NDUFS4: variants seen among roughly 807,000 people sequenced by gnomAD.
NDUFS4 encodes the protein NADH dehydrogenase [ubiquinone] iron-sulfur protein 4, mitochondrial.
In NDUFS4, 28 loss-of-function variants were observed where a neutral mutation model predicts 24.3. That is an observed-to-expected ratio of 1.15 (90% CI 0.85 to 1.58). The LOEUF is 1.58. Ranked by LOEUF, NDUFS4 falls within the 40% of genes most tolerant of loss-of-function variation. The pLI, the probability that NDUFS4 is intolerant of heterozygous loss-of-function variation, is 0.00. For missense variants in NDUFS4, 223 were observed against 207.9 expected (o/e 1.07, Z -0.45); for synonymous variants, 93 against 69.7 (o/e 1.34, Z -1.67).
At chr5:53,665,367 A>G (rs1447088201) in intron 4 of NDUFS4, among the ~76,000 whole-genome samples, 1 of 152,184 alleles carries the variant, frequency 6.6e-6, no homozygotes, top group African/African-American at 2.4e-5. Context: ...AGACAGGGAC[A>G]TTTAAGTCTG....
intron 4 of NDUFS4, among the ~76,000 whole-genome samples, chr5:53,659,837 C>G (rs1354750022): frequency 2.0e-5 from 3 of 151,972 alleles, no homozygotes; most frequent in Non-Finnish European, 4.4e-5. Context: ...ACCTATCTGC[C>G]TTTGAATCTG....
chr5:53,643,358 T>C (rs1234287352), intron 2 of NDUFS4, among the ~76,000 whole-genome samples: 1 of 152,166 alleles, frequency 6.6e-6, no homozygotes, highest in African/African-American at 2.4e-5. Context: ...CATACAAAAG[T>C]AGAAATCCAT....
intron 3 of NDUFS4, among the ~76,000 whole-genome samples, chr5:53,648,014 A>G (rs1221879894): frequency 1.3e-5 from 2 of 152,190 alleles, no homozygotes; most frequent in African/African-American, 4.8e-5. Context: ...ATGTACTTCC[A>G]CAGATCTACA....
At chr5:53,611,136 T>C (rs1052142180) in intron 2 of NDUFS4, among the ~76,000 whole-genome samples, 1 of 152,056 alleles carries the variant, frequency 6.6e-6, no homozygotes, top group East Asian at 1.9e-4. Flanking sequence ...CAGTATACAA[T>C]AAATTACAAG....
At chr5:53,666,743 C>A (rs1359369232) in intron 4 of NDUFS4, among the ~76,000 whole-genome samples, 8 of 151,936 alleles carry the variant, frequency 5.3e-5, no homozygotes, top group Admixed American at 5.2e-4. Flanking sequence ...GGAGACCAGC[C>A]TGGCCAACAG....
chr5:53,666,903 C>T (rs956452277), intron 4 of NDUFS4, among the ~76,000 whole-genome samples: 4 of 152,026 alleles, frequency 2.6e-5, no homozygotes, highest in Non-Finnish European at 4.4e-5. Context: ...CACTACACTC[C>T]AGCCTGGGTG....
chr5:53,647,476 G>A (rs573581710), intron 3 of NDUFS4, among the ~76,000 whole-genome samples: 12 of 151,918 alleles, frequency 7.9e-5, no homozygotes, highest in Admixed American at 4.6e-4. Flanking sequence ...CCTCAGCCTC[G>A]AAAGTACTGA....
intron 2 of NDUFS4, among the ~76,000 whole-genome samples, chr5:53,632,966 C>G (rs151241062): frequency 7.9e-4 from 120 of 152,158 alleles, no homozygotes; most frequent in Middle Eastern, 3.4e-3. Flanking sequence ...TAAAACATAC[C>G]TACTAACACC....
intron 1 of NDUFS4, among the ~76,000 whole-genome samples, chr5:53,566,467 C>T (rs1221780965): frequency 6.6e-6 from 1 of 152,122 alleles, no homozygotes; most frequent in Non-Finnish European, 1.5e-5. Flanking sequence ...CATGTGTTTC[C>T]CACAGTAATC....
chr5:53,603,317 C>G, intron 1 of NDUFS4, 135 bp from the exon 2 acceptor site: 8 of 693,118 alleles, frequency 1.2e-5, no homozygotes, highest in East Asian at 2.9e-5. Flanking sequence ...TTTGTGCCCT[C>G]TTCTCTTTCT....
In NDUFS4 at chr5:53,645,194, A is replaced by G. The variant is rs138588410; in HGVS notation, c.178-1039A>G. On this transcript the variant is annotated intron_variant, in intron 2 of 4. Coordinates refer to ENST00000296684, the MANE Select transcript of NDUFS4 (RefSeq NM_002495.4). ...TTAGTAAGTGAACCATGATTTTAAA[A>G]TGCTTCATTAATAAGCATATGGTTG... 3.0e-3 allele frequency among the ~76,000 whole-genome samples: 450 copies of G among 152,308 alleles called. 2 individuals carry two copies. Among genetic ancestry groups the G allele is most frequent in the South Asian group, 4.6e-3 (22 of 4,828 alleles).
At position 53,572,957 on chromosome 5, in the gene NDUFS4, G is replaced by GTTTTTT. The variant is rs796960315; in HGVS notation, c.98+12204_98+12209dup. Among the ~76,000 whole-genome samples the GTTTTTT allele has an allele frequency of 5.3e-3, 547 of 102,888 alleles. 4 individuals are homozygous for GTTTTTT. Among genetic ancestry groups the GTTTTTT allele is most frequent in the Non-Finnish European group, 8.1e-3 (395 of 48,634 alleles). 67.5% of individuals were successfully genotyped at this position (102,888 alleles called of 152,430 possible). ...CCGTGCCTGGCCTTTGTTGTTTTTT[G>GTTTTTT]TTTTTTTTTTTTGTTTTTTTTTTTT... On this transcript the variant is annotated intron_variant, in intron 1 of 4. Transcript: ENST00000296684.
intron 1 of NDUFS4, among the ~76,000 whole-genome samples, chr5:53,586,145 A>G (rs1749746859): frequency 1.3e-5 from 2 of 151,964 alleles, no homozygotes; most frequent in South Asian, 4.1e-4. Context: ...CCTGACTAAC[A>G]CGGCGAAACC....
At chr5:53,645,794 T>C (rs1262359866) in intron 2 of NDUFS4, among the ~76,000 whole-genome samples, 1 of 152,210 alleles carries the variant, frequency 6.6e-6, no homozygotes, top group Non-Finnish European at 1.5e-5. Context: ...AGTAACAGAT[T>C]GTCTTCTATT....
At position 53,577,413 on chromosome 5, in the gene NDUFS4, G is replaced by C. The variant is rs192619747; in HGVS notation, c.98+16653G>C. 2.7e-3 allele frequency among the ~76,000 whole-genome samples: 415 copies of C among 152,194 alleles called. 3 individuals are homozygous for C. The highest frequency in any genetic ancestry group is 6.8e-3 in the Middle Eastern group (2 of 292). On this transcript the variant is annotated intron_variant, in intron 1 of 4. Transcript: ENST00000296684. Reference sequence around the variant, plus strand: ...TGGCTGAAATGACACATGGGCCAAGGGAGTGTGACATGAGCTTCAAAGGTG... The same window carrying C: ...TGGCTGAAATGACACATGGGCCAAGCGAGTGTGACATGAGCTTCAAAGGTG...
At chr5:53,633,391 A>C (rs1442248186) in intron 2 of NDUFS4, among the ~76,000 whole-genome samples, 1 of 152,184 alleles carries the variant, frequency 6.6e-6, no homozygotes, top group Non-Finnish European at 1.5e-5. Flanking sequence ...CCTTTCCCTG[A>C]CCATACAACC....
chr5:53,682,427 G>T (rs898223761), intron 4 of NDUFS4, among the ~76,000 whole-genome samples: 1 of 151,776 alleles, frequency 6.6e-6, no homozygotes, highest in Admixed American at 6.6e-5. Context: ...AGTTTCCTGG[G>T]CCCCCACCAG....
intron 2 of NDUFS4, among the ~76,000 whole-genome samples, chr5:53,636,657 C>G (rs1751560390): frequency 6.6e-6 from 1 of 152,100 alleles, no homozygotes; most frequent in African/African-American, 2.4e-5. Flanking sequence ...TGTGTTCTTA[C>G]CAAATCTGAC....
At chr5:53,656,571 C>T (rs1248922305) in intron 3 of NDUFS4, among the ~76,000 whole-genome samples, 1 of 152,086 alleles carries the variant, frequency 6.6e-6, no homozygotes, top group Non-Finnish European at 1.5e-5. Context: ...GAAAGTACAC[C>T]TTGCATTTAT....
Sources: allele counts gnomAD v4.1 joint callset (sites outside exome capture counted in the v4.1 genomes callset), GRCh38; gene constraint gnomAD v4.1.1; transcripts MANE v1.5; gene names NCBI Gene and HGNC (gene_info 2026-07-23, HGNC 2026-07-21).